The following RNF157 variants were observed in gnomAD, a reference collection of about 807,000 sequenced individuals.
RNF157 encodes ring finger protein 157.
In RNF157, 55 loss-of-function variants were observed where a neutral mutation model predicts 88.3. That is an observed-to-expected ratio of 0.62 (90% CI 0.50 to 0.78). The LOEUF (loss-of-function observed/expected upper bound fraction) is 0.78. RNF157 is among the 30% of genes least tolerant of loss of function. The pLI, the probability that RNF157 is intolerant of heterozygous loss-of-function variation, is 0.00. For missense variants in RNF157, 788 were observed against 860.8 expected, an observed-to-expected ratio of 0.92 and a Z score of 1.06; for synonymous variants, 334 against 341.2, an observed-to-expected ratio of 0.98 and a Z score of 0.23.
intron 2 of RNF157, among the ~76,000 whole-genome samples, chr17:76,187,091 G>T (rs577750911): frequency 1.3e-5 from 2 of 152,224 alleles, no homozygotes; most frequent in East Asian, 3.9e-4. Flanking sequence ...GGCAAGGTCT[G>T]GTTACTCTGG....
In RNF157 at chr17:76,240,242, G is replaced by A. The variant is rs781340490; in HGVS notation, c.-2C>T. 3 of 1,303,768 alleles carry A rather than the reference G, an allele frequency of 2.3e-6. No individual in the cohort carries two copies. Among genetic ancestry groups the A allele is most frequent in the Non-Finnish European group, 9.9e-7 (1 of 1,011,172 alleles). 80.8% of individuals were successfully genotyped at this position (1,303,768 alleles called of 1,614,324 possible). Reference sequence around the variant, plus strand: ...CTGCCGGCTCGTCAGGGCCCCCATGGCCGCTGCGGCTGCAGCCCCGGCCCG... The same window carrying A: ...CTGCCGGCTCGTCAGGGCCCCCATGACCGCTGCGGCTGCAGCCCCGGCCCG... On this transcript the variant is annotated 5_prime_UTR_variant, in exon 1 of 19. Coordinates refer to ENST00000269391, the MANE Select transcript of RNF157 (RefSeq NM_052916.3). The surrounding 1 kb of genome is among the most constrained non-coding windows in gnomAD (Gnocchi z 4.4).
At chr17:76,234,354 T>C (rs1308804367) in intron 1 of RNF157, among the ~76,000 whole-genome samples, 5 of 152,254 alleles carry the variant, frequency 3.3e-5, no homozygotes, top group Non-Finnish European at 7.3e-5. Flanking sequence ...CAAGTTTTTA[T>C]GTGAATGTAT....
At chr17:76,204,527 T>C (rs1372550130) in intron 2 of RNF157, among the ~76,000 whole-genome samples, 1 of 152,210 alleles carries the variant, frequency 6.6e-6, no homozygotes, top group African/African-American at 2.4e-5. Flanking sequence ...CATAAATACT[T>C]GTTGAATGAA....
At chr17:76,226,231 A>G in intron 1 of RNF157, 5 of 1,611,918 alleles carry the variant, frequency 3.1e-6, no homozygotes, top group South Asian at 1.1e-5. Flanking sequence ...CCGGCTTCCT[A>G]TCTTCTTCAG....
At chr17:76,216,189 G>A (rs1382272053) in intron 1 of RNF157, among the ~76,000 whole-genome samples, 2 of 152,142 alleles carry the variant, frequency 1.3e-5, no homozygotes, top group Admixed American at 6.5e-5. Flanking sequence ...AATTGTCTAG[G>A]TTGACCTCAG....
At chr17:76,231,051 G>C (rs935907362) in intron 1 of RNF157, among the ~76,000 whole-genome samples, 6 of 151,478 alleles carry the variant, frequency 4.0e-5, no homozygotes, top group Non-Finnish European at 7.4e-5. Flanking sequence ...CGATCCTCTT[G>C]TTTGTGCCTT....
chr17:76,147,158 G>A (rs1052602676), intron 18 of RNF157: 1 of 984,954 alleles, frequency 1.0e-6, no homozygotes, highest in Non-Finnish European at 1.2e-6. Flanking sequence ...GGCACTATGT[G>A]TCTAAGTGTG....
At chr17:76,212,703 A>G (rs1264229624) in intron 1 of RNF157, among the ~76,000 whole-genome samples, 1 of 152,114 alleles carries the variant, frequency 6.6e-6, no homozygotes, top group Non-Finnish European at 1.5e-5. Context: ...CTCTACTAAA[A>G]ATGTAAAAAT....
chr17:76,199,060 GGGTA>G (rs1044617400), intron 2 of RNF157, among the ~76,000 whole-genome samples: 7 of 152,202 alleles, frequency 4.6e-5, no homozygotes, highest in Non-Finnish European at 1.5e-5. Flanking sequence ...GGAGAACAAT[GGGTA>G]TTCCACAGAA....
At chr17:76,150,586 G>A (rs1364260611) in intron 18 of RNF157, among the ~76,000 whole-genome samples, 1 of 152,094 alleles carries the variant, frequency 6.6e-6, no homozygotes, top group Non-Finnish European at 1.5e-5. Flanking sequence ...GGGTTGACCA[G>A]GGTAGAGCTG....
chr17:76,232,850 A>C (rs898840041), intron 1 of RNF157, among the ~76,000 whole-genome samples: 2 of 152,090 alleles, frequency 1.3e-5, no homozygotes, highest in Non-Finnish European at 2.9e-5. Context: ...ATGGCTGCTG[A>C]TGTTGAGTAT....
In RNF157 at chr17:76,176,596, G is replaced by A. The variant is rs80327383; in HGVS notation, c.208-2806C>T. Among the ~76,000 whole-genome samples, 8 of 152,304 alleles carry A rather than the reference G, an allele frequency of 5.3e-5. No individual in the cohort carries two copies. Among genetic ancestry groups the A allele is most frequent in the African/African-American group, 1.7e-4 (7 of 41,572 alleles). ...CCAGAGCAGCCGCTGCCATCACAAC[G>A]GCTGCTGCAGGGGGGTCGCAGGGAG... On this transcript the variant is annotated intron_variant, in intron 2 of 18. Coordinates refer to ENST00000269391, the MANE Select transcript of RNF157 (RefSeq NM_052916.3). The surrounding 1 kb of genome is among the most constrained non-coding windows in gnomAD (Gnocchi z 4.2).
chr17:76,210,599 A>AAAAAAC lies in RNF157; in HGVS notation c.207+1764_207+1765insGTTTTT. ...AGCCAGACTCCGTCCAAAAAAAAAA[A>AAAAAAC]AAAAAGAAAGAAAGAAAGAAAGAGA... On this transcript the variant is annotated intron_variant, in intron 2 of 18. Transcript: ENST00000269391. Among the ~76,000 whole-genome samples, 4 of 150,394 alleles carry AAAAAAC rather than the reference A, an allele frequency of 2.7e-5. 1 individual carries two copies. The South Asian group carries it at 8.3e-4, about 31-fold the overall frequency.
rs368464660 is a variant in RNF157 at position 76,237,871 on chromosome 17, T to C, written c.88+2282A>G. ...CGAGGCAGGCGGATCACCTGAGAGG[T>C]CAGGAGTTCAAGACTTGCCTGGCCA... On this transcript the variant is annotated intron_variant, in intron 1 of 18. Coordinates refer to ENST00000269391, the MANE Select transcript of RNF157 (RefSeq NM_052916.3). Among the ~76,000 whole-genome samples, 35 of 151,832 alleles carry C rather than the reference T, an allele frequency of 2.3e-4. No homozygotes were observed. In the East Asian group the frequency reaches 6.6e-3, roughly 29 times the overall value.
At chr17:76,156,640 TC>T in intron 13 of RNF157, 1 of 512,220 alleles carries the variant, frequency 2.0e-6, no homozygotes, top group Non-Finnish European at 2.5e-6. Context: ...ACCCCAGGTT[TC>T]CCCAGGATTA....
At chr17:76,153,725 T>C (rs1390954200) in intron 17 of RNF157, 1 of 153,174 alleles carries the variant, frequency 6.5e-6, no homozygotes, top group African/African-American at 2.4e-5. Context: ...CAACAGCCTT[T>C]AAAATACTTG....
rs764015244 is a variant in RNF157 at position 76,191,432 on chromosome 17, G to A, written c.208-17642C>T. 1.4e-4 allele frequency among the ~76,000 whole-genome samples: 22 copies of A among 151,876 alleles called. 1 individual carries two copies. The highest frequency in any genetic ancestry group is 2.6e-4 in the Admixed American group (4 of 15,244). On this transcript the variant is annotated intron_variant, in intron 2 of 18. Coordinates refer to ENST00000269391, the MANE Select transcript of RNF157 (RefSeq NM_052916.3). ...TTAAGACCAGCCTGGCCAAAACCCT[G>A]TCTCTACTAAAAATACAAAAATTAG...
At chr17:76,234,226 T>C (rs1192056765) in intron 1 of RNF157, among the ~76,000 whole-genome samples, 2 of 152,254 alleles carry the variant, frequency 1.3e-5, no homozygotes, top group Non-Finnish European at 2.9e-5. Flanking sequence ...TCCTTTTTAT[T>C]GCCAAATAAT....
In RNF157 at chr17:76,212,447, C is replaced by T. The variant is rs1370588176; in HGVS notation, c.124G>A (p.Glu42Lys). The T allele has an allele frequency of 6.2e-7, 1 of 1,613,844 alleles. No individual in the cohort carries two copies. Among genetic ancestry groups the T allele is most frequent in the Non-Finnish European group, 8.5e-7 (1 of 1,179,864 alleles). The change falls in exon 2 of 19, where the codon GAG (glutamate) becomes AAG (lysine). Residue 42 changes from glutamate (E) to lysine (K), a missense_variant. Coordinates refer to ENST00000269391, the MANE Select transcript of RNF157 (RefSeq NM_052916.3). Reference protein sequence around the residue: ...YFASHFIMGGEKFDSTHPEGY... With the variant: ...YFASHFIMGGKKFDSTHPEGY... ...TCAGGATGAGTTGAGTCAAACTTCT[C>T]TCCTCCCATAATGAAGTGGCTGGCA... is the stretch of plus-strand genomic sequence containing the variant.
Sources: gnomAD v4.1 joint callset for allele counts (sites outside exome capture counted in the v4.1 genomes callset) on GRCh38, gnomAD v4.1.1 for gene constraint, Gnocchi (gnomAD v3.1) non-coding constraint, MANE v1.5 for transcripts, NCBI Gene and HGNC (gene_info 2026-07-23, HGNC 2026-07-21) for gene names.